Variants in CUX1 observed in about 807,000 individuals in gnomAD.
The protein encoded by CUX1 is protein CASP.
Under a neutral mutation model 158.8 loss-of-function variants are expected in CUX1, and 31 were observed. The ratio of observed to expected loss-of-function variants is 0.20; its 90% CI spans 0.15 to 0.26. The LOEUF is 0.26. Among genes scored for constraint, CUX1 ranks in the 10% least tolerant of loss-of-function variants. CUX1 has a pLI of 1.00. For missense variants in CUX1, 1,589 were observed against 2,014.6 expected, an observed-to-expected ratio of 0.79 and a Z score of 4.04; for synonymous variants, 879 against 862.1, an observed-to-expected ratio of 1.02 and a Z score of -0.34.
chr7:101,863,291 T>G (rs778417894), intron 1 of CUX1, among the ~76,000 whole-genome samples: 34 of 151,794 alleles, frequency 2.2e-4, no homozygotes, highest in Non-Finnish European at 4.6e-4. Context: ...CAAGTGAGAT[T>G]CAAGAGTCCC....
At chr7:102,168,165 G>C (rs763906982) in intron 9 of CUX1, among the ~76,000 whole-genome samples, 4 of 151,902 alleles carry the variant, frequency 2.6e-5, no homozygotes, top group Non-Finnish European at 5.9e-5. Context: ...AGGTCACCTT[G>C]CCACCTTCCT....
At chr7:102,072,234 G>A (rs1195948414) in intron 4 of CUX1, among the ~76,000 whole-genome samples, 2 of 152,212 alleles carry the variant, frequency 1.3e-5, no homozygotes, top group Admixed American at 6.5e-5. Flanking sequence ...GATTCTTCTC[G>A]GGTCTAAATA....
chr7:102,156,195 C>G (rs1171367182), intron 8 of CUX1, among the ~76,000 whole-genome samples: 1 of 152,164 alleles, frequency 6.6e-6, no homozygotes, highest in Non-Finnish European at 1.5e-5. Context: ...TTTTCCAACT[C>G]TCAGCGTCCA....
chr7:102,162,467 C>T (rs942351539), intron 9 of CUX1, among the ~76,000 whole-genome samples: 4 of 152,096 alleles, frequency 2.6e-5, no homozygotes, highest in East Asian at 1.9e-4. Context: ...CACAGCCTCC[C>T]GAGTAGCTGG....
intron 1 of CUX1, among the ~76,000 whole-genome samples, chr7:101,879,903 C>T (rs558103539): frequency 3.3e-5 from 5 of 152,292 alleles, no homozygotes; most frequent in African/African-American, 1.2e-4. Flanking sequence ...ACACTCAGAC[C>T]CTTCTACCAC....
chr7:101,946,543 T>TTA (rs1808393859), intron 2 of CUX1, among the ~76,000 whole-genome samples: 10 of 30,470 alleles, frequency 3.3e-4, no homozygotes, highest in Middle Eastern at 0.042. Flanking sequence ...AGACTCCGTC[T>TTA]CAAAAAAAAA....
At position 102,023,971 on chromosome 7, in the gene CUX1, CT is replaced by C. The variant is rs572824854; in HGVS notation, c.142-4124del. Among the ~76,000 whole-genome samples the C allele has an allele frequency of 2.5e-3, 384 of 152,280 alleles. 1 individual carries two copies. Among genetic ancestry groups the C allele is most frequent in the African/African-American group, 8.9e-3 (371 of 41,572 alleles). Reference sequence around the variant, plus strand: ...ACATGGATAGGGTGAGAGGAGTTTGCTTTATTTAAGGACATGATAAAAGGCA... The same window carrying C: ...ACATGGATAGGGTGAGAGGAGTTTGCTTATTTAAGGACATGATAAAAGGCA... On this transcript the variant is annotated intron_variant, in intron 2 of 23. Coordinates refer to ENST00000292535, the MANE Select transcript of CUX1 (RefSeq NM_181552.4).
intron 8 of CUX1, among the ~76,000 whole-genome samples, chr7:102,145,713 G>A (rs1010944110): frequency 3.3e-5 from 5 of 152,076 alleles, no homozygotes; most frequent in Non-Finnish European, 7.4e-5. Flanking sequence ...TTGGGAGGCC[G>A]AGGTGGGTGG....
At chr7:101,818,023 C>T (rs986847281) in intron 1 of CUX1, among the ~76,000 whole-genome samples, 1 of 152,190 alleles carries the variant, frequency 6.6e-6, no homozygotes, top group African/African-American at 2.4e-5. Context: ...TTGTTTTCTG[C>T]TCTTGCCTAC....
At chr7:102,172,120 C>T (rs1791785801) in intron 10 of CUX1, among the ~76,000 whole-genome samples, 1 of 152,164 alleles carries the variant, frequency 6.6e-6, no homozygotes, top group Admixed American at 6.5e-5. Flanking sequence ...GAGTCTTCTT[C>T]TGTCGCCCAG....
intron 6 of CUX1, among the ~76,000 whole-genome samples, chr7:102,107,315 G>A (rs1673803979): frequency 6.6e-6 from 1 of 152,142 alleles, no homozygotes; most frequent in Non-Finnish European, 1.5e-5. Context: ...GAGGTGGGTG[G>A]ATCACTTGAG....
At chr7:102,072,675 G>T (rs548286684) in intron 4 of CUX1, among the ~76,000 whole-genome samples, 1 of 152,110 alleles carries the variant, frequency 6.6e-6, no homozygotes, top group Non-Finnish European at 1.5e-5. Flanking sequence ...TTTTTCCTTC[G>T]ATTTAGTTCT....
chr7:102,032,852 A>G (rs1358663753), intron 3 of CUX1, among the ~76,000 whole-genome samples: 1 of 152,098 alleles, frequency 6.6e-6, no homozygotes, highest in Non-Finnish European at 1.5e-5. Context: ...GGGGAGGTGT[A>G]CCCTTAATAT....
At chr7:101,836,687 A>AT (rs1202481391) in intron 1 of CUX1, among the ~76,000 whole-genome samples, 3 of 149,500 alleles carry the variant, frequency 2.0e-5, no homozygotes, top group African/African-American at 7.4e-5. Context: ...TCCTTCTCAA[A>AT]AAAAAAAAAA....
At chr7:101,931,717 T>C (rs1806314781) in intron 2 of CUX1, among the ~76,000 whole-genome samples, 1 of 152,102 alleles carries the variant, frequency 6.6e-6, no homozygotes. Flanking sequence ...GCATGCACCA[T>C]GGTGTCTGAC....
At chr7:102,036,961 C>T (rs1821501302) in intron 3 of CUX1, among the ~76,000 whole-genome samples, 1 of 152,190 alleles carries the variant, frequency 6.6e-6, no homozygotes, top group Admixed American at 6.5e-5. Flanking sequence ...GAGGCTGAAG[C>T]AAGCAGTTCC....
chr7:102,052,374 A>T (rs1292727073), intron 3 of CUX1, among the ~76,000 whole-genome samples: 1 of 152,144 alleles, frequency 6.6e-6, no homozygotes, highest in Admixed American at 6.5e-5. Flanking sequence ...TATCAATGAG[A>T]TCAAATAATA....
intron 3 of CUX1, among the ~76,000 whole-genome samples, chr7:102,048,254 C>G (rs1287997771): frequency 6.6e-6 from 1 of 152,112 alleles, no homozygotes; most frequent in Non-Finnish European, 1.5e-5. Context: ...ATCTTTGGCT[C>G]CCTTGAAACT....
chr7:102,071,565 A>G (rs1413247866), intron 4 of CUX1, among the ~76,000 whole-genome samples: 1 of 151,598 alleles, frequency 6.6e-6, no homozygotes, highest in Non-Finnish European at 1.5e-5. Context: ...CTCCCCACCC[A>G]TTACAGTTGT....
Sources: gnomAD v4.1 joint callset for allele counts (sites outside exome capture counted in the v4.1 genomes callset) on GRCh38, gnomAD v4.1.1 for gene constraint, MANE v1.5 for transcripts, NCBI Gene and HGNC (gene_info 2026-07-23, HGNC 2026-07-21) for gene names.